Variants in SYDE2 observed in about 807,000 individuals in gnomAD.
SYDE2 encodes the protein rho GTPase-activating protein SYDE2.
A neutral mutation model predicts 91.5 loss-of-function variants in SYDE2; 76 were observed. The observed-to-expected ratio is 0.83, with a 90% CI of 0.69 to 1.01. The LOEUF (loss-of-function observed/expected upper bound fraction) is 1.01. Among genes scored for constraint, SYDE2 ranks in the 50% least tolerant of loss-of-function variants. SYDE2 has a pLI of 0.00. For synonymous variants in SYDE2, 513 were observed against 506.4 expected, an observed-to-expected ratio of 1.01 and a Z score of -0.18; for missense variants, 1,364 against 1,367.7, an observed-to-expected ratio of 1.00 and a Z score of 0.04.
chr1:85,187,785 A>G (rs1036819925), intron 2 of SYDE2, among the ~76,000 whole-genome samples: 1 of 148,796 alleles, frequency 6.7e-6, no homozygotes, highest in East Asian at 2.1e-4. Flanking sequence ...CAAACACCGC[A>G]TGTTCTCACT....
At chr1:85,155,376 T>C (rs12070991), downstream of SYDE2, among the ~76,000 whole-genome samples, 40 of 152,248 alleles carry the variant, frequency 2.6e-4, no homozygotes, top group African/African-American at 9.4e-4. Context: ...CAGTGGCTCA[T>C]ACTGTAATCC....
chr1:85,153,096 G>A (rs1156680771), downstream of SYDE2: 4 of 152,258 alleles, frequency 2.6e-5, no homozygotes, highest in East Asian at 5.8e-4. Flanking sequence ...TCTGGATAAA[G>A]AGCTTTCCAG....
At chr1:85,153,999 G>A (rs1293619424), downstream of SYDE2, 1 of 152,118 alleles carries the variant, frequency 6.6e-6, no homozygotes, top group African/African-American at 2.4e-5. Context: ...ATTTCAGGCT[G>A]AGGCAGAATG....
chr1:85,188,429 C>T (rs1658237666), intron 2 of SYDE2, among the ~76,000 whole-genome samples: 1 of 152,218 alleles, frequency 6.6e-6, no homozygotes, highest in African/African-American at 2.4e-5. Context: ...ATACAGTACA[C>T]ATTGTTTTGG....
chr1:85,195,657 GGGA>G (rs1236361012), intron 1 of SYDE2, among the ~76,000 whole-genome samples: 3 of 152,068 alleles, frequency 2.0e-5, no homozygotes, highest in African/African-American at 7.2e-5. Flanking sequence ...AAAAGTAACA[GGGA>G]GCAGCAAAAG....
At chr1:85,185,232 TTTA>T (rs1658087686) in intron 2 of SYDE2, among the ~76,000 whole-genome samples, 1 of 147,650 alleles carries the variant, frequency 6.8e-6, no homozygotes, top group Non-Finnish European at 1.5e-5. Flanking sequence ...ATAATATATA[TTTA>T]TATTATTTTA....
intron 2 of SYDE2, among the ~76,000 whole-genome samples, chr1:85,188,339 C>T (rs1377228703): frequency 6.6e-6 from 1 of 152,110 alleles, no homozygotes; most frequent in Non-Finnish European, 1.5e-5. Flanking sequence ...TCAATCTCAA[C>T]ACCCAGAAAA....
intron 2 of SYDE2, 73 bp downstream of exon 2, chr1:85,189,984 A>G: frequency 1.8e-6 from 2 of 1,120,428 alleles, no homozygotes; most frequent in Non-Finnish European, 2.5e-6. Context: ...CATCTTTTAT[A>G]TTTAGTTTTA....
downstream of SYDE2, among the ~76,000 whole-genome samples, chr1:85,156,116 G>A (rs548009943): frequency 1.1e-4 from 17 of 152,246 alleles, no homozygotes; most frequent in African/African-American, 3.1e-4. Context: ...AGCAAGAAAC[G>A]TGCTGTTAAC....
Position 85,182,522 on chromosome 1 carries a change from T to C in SYDE2, c.2120A>G (p.Gln707Arg). Residue 707 changes from glutamine (Q) to arginine (R), a missense_variant, in exon 3 of 7, where the codon CAG becomes CGG. Gln to Arg is a conservative substitution (Grantham distance 43, BLOSUM62 1). Coordinates refer to ENST00000341460, the MANE Select transcript of SYDE2 (RefSeq NM_032184.2). ...IDSKDVFCAI[Q>R]VDSVNKARTA... The stretch of plus-strand genomic sequence containing the variant: ...TCTTGCTTTGTTTACTGAATCTACC[T>C]GAATTGCACAAAAGACGTCTTTTGA... 6.2e-7 allele frequency: 1 copy of C among 1,613,898 alleles called. No individual in the cohort carries two copies. The highest frequency in any genetic ancestry group is 2.2e-5 in the East Asian group (1 of 44,874).
chr1:85,187,154 C>CA (rs1352026702), intron 2 of SYDE2, among the ~76,000 whole-genome samples: 1 of 151,900 alleles, frequency 6.6e-6, no homozygotes, highest in African/African-American at 2.4e-5. Context: ...ACAATGAACT[C>CA]AAACAAATTT....
At chr1:85,160,646 C>T (rs897724937) in intron 6 of SYDE2, 16 of 985,280 alleles carry the variant, frequency 1.6e-5, no homozygotes, top group Non-Finnish European at 1.2e-5. Context: ...TCACCACTAT[C>T]TCCTTGCTTT....
At chr1:85,153,177 G>A (rs3209418), downstream of SYDE2, 22,695 of 152,328 alleles carry the variant, frequency 0.15, 2,676 homozygotes, top group African/African-American at 0.32. Context: ...GAGCCAGGGA[G>A]CAAGGGAGAA....
At chr1:85,154,261 AT>A (rs1656827528), downstream of SYDE2, 1 of 150,502 alleles carries the variant, frequency 6.6e-6, no homozygotes. Flanking sequence ...TGGAAACTAA[AT>A]TCTTTTCAGG....
chr1:85,170,021 C>A (rs1657443877), intron 4 of SYDE2, among the ~76,000 whole-genome samples: 1 of 151,654 alleles, frequency 6.6e-6, no homozygotes, highest in African/African-American at 2.4e-5. Context: ...CTCCTAACAC[C>A]AAAACCTAAA....
At chr1:85,162,870 T>C (rs948799858) in intron 6 of SYDE2, among the ~76,000 whole-genome samples, 2 of 152,164 alleles carry the variant, frequency 1.3e-5, no homozygotes, top group African/African-American at 4.8e-5. Flanking sequence ...TCCCAAATTC[T>C]TGGTGTTTAT....
chr1:85,165,759 G>C (rs897939186), intron 5 of SYDE2, among the ~76,000 whole-genome samples: 2 of 151,258 alleles, frequency 1.3e-5, no homozygotes, highest in African/African-American at 4.9e-5. Flanking sequence ...GTTATGGAAA[G>C]AAATGATGTT....
chr1:85,179,482 G>C (rs2994490), intron 3 of SYDE2, among the ~76,000 whole-genome samples: 34,256 of 152,016 alleles, frequency 0.23, 4,780 homozygotes, highest in African/African-American at 0.38. Context: ...TTGAAAGATA[G>C]TAAAGAACCT....
In SYDE2 at chr1:85,190,253, T is replaced by G; in HGVS notation, c.1245A>C (p.Ala415=). ...SMLSGSDLMK[A]ERHTEDSLCS... is the part of the protein sequence containing the mutation. ...ACAGTGAGTCTTCAGTATGCCGCTC[T>G]GCTTTCATCAGGTCACTGCCAGACA... Residue 415 remains alanine (A), a synonymous_variant, in exon 2 of 7, where the codon GCA becomes GCC. Transcript: ENST00000341460. The G allele has an allele frequency of 6.2e-7, 1 of 1,614,008 alleles. No homozygotes were observed. Among genetic ancestry groups the G allele is most frequent in the South Asian group, 1.1e-5 (1 of 91,088 alleles).
Sources: allele counts gnomAD v4.1 joint callset (sites outside exome capture counted in the v4.1 genomes callset), GRCh38; gene constraint gnomAD v4.1.1; transcripts MANE v1.5; gene names NCBI Gene and HGNC (gene_info 2026-07-23, HGNC 2026-07-21).